Variants in ZBTB8OS observed in about 807,000 individuals in gnomAD.
ZBTB8OS encodes tRNA-splicing ligase-activating factor archease.
Under a neutral mutation model 29.3 loss-of-function variants are expected in ZBTB8OS, and 16 were observed. That is an observed-to-expected ratio of 0.55 (90% CI 0.37 to 0.83). ZBTB8OS has a LOEUF of 0.83. ZBTB8OS is among the 40% of genes least tolerant of loss of function. ZBTB8OS has a pLI of 0.00. For missense variants in ZBTB8OS, 160 were observed against 196.9 expected, an observed-to-expected ratio of 0.81 and a Z score of 1.12; for synonymous variants, 70 against 64.6, an observed-to-expected ratio of 1.08 and a Z score of -0.40.
chr1:32,637,896 T>C (rs1278328010), intron 1 of ZBTB8OS, among the ~76,000 whole-genome samples: 2 of 151,894 alleles, frequency 1.3e-5, no homozygotes, highest in African/African-American at 4.8e-5. Context: ...TGCAGTGGAG[T>C]GATCTTGGCT....
In ZBTB8OS at chr1:32,636,558, C is replaced by T. The variant is rs542252575; in HGVS notation, c.98-1766G>A. ...ACAAAAACTTAGCTGGGCGTGGTGG[C>T]GCACACCTGTAAACCCATCTACTCA... On this transcript the variant is annotated intron_variant, in intron 1 of 6. Transcript: ENST00000468695. Among the ~76,000 whole-genome samples the T allele has an allele frequency of 4.6e-4, 70 of 151,996 alleles. 1 individual carries two copies. The highest frequency in any genetic ancestry group is 1.6e-3 in the African/African-American group (68 of 41,386).
chr1:32,629,853 A>G (rs960709451), intron 5 of ZBTB8OS, among the ~76,000 whole-genome samples: 1 of 151,106 alleles, frequency 6.6e-6, no homozygotes, highest in African/African-American at 2.4e-5. Context: ...CCTGGGTTCA[A>G]GCGATTCTCC....
chr1:32,640,012 G>A (rs1033044357), intron 1 of ZBTB8OS: 2 of 152,076 alleles, frequency 1.3e-5, no homozygotes, highest in African/African-American at 4.8e-5. Context: ...ACATTTCTTT[G>A]TTCCTTCTCC....
upstream of ZBTB8OS, chr1:32,650,590 C>G (rs766764054): frequency 1.2e-6 from 2 of 1,613,656 alleles, no homozygotes; most frequent in Admixed American, 1.7e-5. Context: ...CCCGGAGTTA[C>G]TACTTCCGCT....
chr1:32,646,580 G>C (rs991689412), intron 1 of ZBTB8OS, among the ~76,000 whole-genome samples: 2 of 151,228 alleles, frequency 1.3e-5, no homozygotes, highest in African/African-American at 4.9e-5. Flanking sequence ...AGTAGAGACA[G>C]GGTTTCACCA....
chr1:32,642,697 C>T (rs1461831632), intron 1 of ZBTB8OS, among the ~76,000 whole-genome samples: 1 of 141,984 alleles, frequency 7.0e-6, no homozygotes, highest in Non-Finnish European at 1.5e-5. Context: ...CACTATAGGA[C>T]TTCAAAAGAA....
intron 1 of ZBTB8OS, among the ~76,000 whole-genome samples, chr1:32,637,164 GAGCTC>G (rs925266461): frequency 3.9e-5 from 6 of 152,018 alleles, no homozygotes; most frequent in African/African-American, 1.2e-4. Context: ...AATCAGAATG[GAGCTC>G]AGCTCTTTTC....
intron 5 of ZBTB8OS, among the ~76,000 whole-genome samples, chr1:32,629,042 A>T (rs1645340118): frequency 6.6e-6 from 1 of 152,202 alleles, no homozygotes. Context: ...GAATCTCAAT[A>T]AACATTGTTT....
In ZBTB8OS at chr1:32,646,779, G is replaced by A. The variant is rs1203843990; in HGVS notation, c.97+3654C>T. ...TGGCCGGGAGTGGTGGCTCATGCCT[G>A]TAACCCCAGCACTTTGGGAGGCTCA... On this transcript the variant is annotated intron_variant, in intron 1 of 6. Transcript: ENST00000468695. Among the ~76,000 whole-genome samples the A allele has an allele frequency of 2.0e-5, 3 of 151,442 alleles. No homozygotes were observed. The East Asian group carries it at 5.8e-4, about 29-fold the overall frequency.
chr1:32,633,624 A>T lies in ZBTB8OS; in HGVS notation c.327+21T>A, dbSNP rs371852048. 3 of 1,565,054 alleles carry T rather than the reference A, an allele frequency of 1.9e-6. No homozygotes were observed. The African/African-American group carries it at 4.2e-5, about 22-fold the overall frequency. ...AACTAAGAATCCATTTGCTCAGTAA[A>T]AAAGAAAAACCTTTGCTTACCCGGG... On this transcript the variant is annotated intron_variant, in intron 4 of 6. Transcript: ENST00000468695.
At chr1:32,649,633 A>ACACACACACACAC (rs1446311379) in intron 1 of ZBTB8OS, among the ~76,000 whole-genome samples, 1 of 54,092 alleles carries the variant, frequency 1.8e-5, no homozygotes, top group Non-Finnish European at 4.1e-5. Context: ...CATCTCTAAA[A>ACACACACACACAC]ACACACACAC....
chr1:32,624,314 G>A lies in ZBTB8OS; in HGVS notation c.418-2366C>T, dbSNP rs548264950. Among the ~76,000 whole-genome samples the A allele has an allele frequency of 2.0e-5, 3 of 152,222 alleles. No individual in the cohort carries two copies. In the East Asian group the frequency reaches 5.8e-4, roughly 29 times the overall value. ...CTGAAATTATATTATGTGTTTACAT[G>A]TTTGTCTGGCTCACTTCTCCCACTA... On this transcript the variant is annotated intron_variant, in intron 6 of 6. Coordinates refer to ENST00000468695, the MANE Select transcript of ZBTB8OS (RefSeq NM_178547.5).
chr1:32,650,643 C>A (rs531035304), upstream of ZBTB8OS: 5 of 1,576,874 alleles, frequency 3.2e-6, no homozygotes, highest in African/African-American at 5.4e-5. Flanking sequence ...GGACCACACT[C>A]CTTTCTCGGA....
chr1:32,621,479 T>G lies in ZBTB8OS; in HGVS notation c.*383A>C, dbSNP rs1366071084. 6.0e-6 allele frequency: 1 copy of G among 167,280 alleles called. No homozygotes were observed. The highest frequency in any genetic ancestry group is 1.3e-5 in the Non-Finnish European group (1 of 78,714). 10.4% of individuals were successfully genotyped at this position (167,280 alleles called of 1,614,324 possible). A position where few individuals can be genotyped will look rare whatever the true frequency, so the allele number is the denominator to read the frequency against. On this transcript the variant is annotated 3_prime_UTR_variant, in exon 7 of 7. Transcript: ENST00000468695. ...ACAAAATTCTGTGTGTGGAAATATA[T>G]TTTTTCAAGTTATTCTTCTTTCAAC...
chr1:32,634,113 G>A, intron 2 of ZBTB8OS, 41 bp from the exon 3 acceptor site: 1 of 1,370,928 alleles, frequency 7.3e-7, no homozygotes, highest in Non-Finnish European at 9.5e-7. Flanking sequence ...ACAATCCACT[G>A]CAAGAAAGAA....
At chr1:32,650,330 A>G (rs1647272739) in intron 1 of ZBTB8OS, 103 bp downstream of exon 1, 1 of 1,453,296 alleles carries the variant, frequency 6.9e-7, no homozygotes, top group African/African-American at 1.4e-5. Context: ...TCATGCCTGA[A>G]GTACCCATGG....
At chr1:32,628,329 C>T (rs1429079470) in intron 5 of ZBTB8OS, among the ~76,000 whole-genome samples, 1 of 144,938 alleles carries the variant, frequency 6.9e-6, no homozygotes, top group Admixed American at 7.0e-5. Context: ...TGCACTCCAC[C>T]CTAGGCAACA....
At chr1:32,635,015 C>T (rs1285614540) in intron 1 of ZBTB8OS, among the ~76,000 whole-genome samples, 4 of 150,828 alleles carry the variant, frequency 2.7e-5, no homozygotes, top group East Asian at 2.0e-4. Context: ...GCCAAGATCG[C>T]GCCACTGCAC....
In ZBTB8OS at chr1:32,633,945, A is replaced by G. The variant is rs1008211359; in HGVS notation, c.244+6T>C. ...ACAATTTCTTCCTTGTGAATAAATCATTTACCTTGGGTTTCTACTTCTACT... is the reference window on the plus strand; with the variant it reads ...ACAATTTCTTCCTTGTGAATAAATCGTTTACCTTGGGTTTCTACTTCTACT... On this transcript the variant is annotated splice_donor_region_variant and intron_variant, in intron 3 of 6. Transcript: ENST00000468695. 1.0e-5 allele frequency: 16 copies of G among 1,565,400 alleles called. No individual in the cohort carries two copies. The highest frequency in any genetic ancestry group is 1.4e-5 in the African/African-American group (1 of 72,570).
Sources: gnomAD v4.1 joint callset for allele counts (sites outside exome capture counted in the v4.1 genomes callset) on GRCh38, gnomAD v4.1.1 for gene constraint, MANE v1.5 for transcripts, NCBI Gene and HGNC (gene_info 2026-07-23, HGNC 2026-07-21) for gene names.